Variants in DIXDC1 observed in about 807,000 individuals in gnomAD.
DIXDC1 encodes the protein DIX domain containing 1.
In DIXDC1, 64 loss-of-function variants were observed where a neutral mutation model predicts 103.1. The observed-to-expected ratio is 0.62, with a 90% CI of 0.51 to 0.76. The LOEUF (loss-of-function observed/expected upper bound fraction) is 0.76, where lower values mean the gene tolerates loss of function less well. Ranked by LOEUF, DIXDC1 falls within the 30% of genes least tolerant of loss-of-function variation. The pLI is 0.00. For synonymous variants in DIXDC1, 266 were observed against 298.5 expected (o/e 0.89, Z 1.12); for missense variants, 759 against 834.2 (o/e 0.91, Z 1.11).
rs782686831 is a variant in DIXDC1, at chr11:111,982,336, T to C, written c.770-3T>C. On this transcript the variant is annotated splice_polypyrimidine_tract_variant and splice_region_variant and intron_variant, in intron 6 of 19. Coordinates refer to ENST00000440460, the MANE Select transcript of DIXDC1 (RefSeq NM_001037954.4). ...AACTGTACTCCCTCTTTTCATTTTT[T>C]AGAAGGGACAGATTCTCCATTATCT... 12 of 1,610,836 alleles carry C rather than the reference T, an allele frequency of 7.4e-6. No individual in the cohort carries two copies. The highest frequency in any genetic ancestry group is 6.7e-5 in the African/African-American group (5 of 74,550).
At chr11:111,967,656 T>A (rs1555171708) in intron 2 of DIXDC1, among the ~76,000 whole-genome samples, 1 of 152,230 alleles carries the variant, frequency 6.6e-6, no homozygotes, top group Non-Finnish European at 1.5e-5. Flanking sequence ...AGTCTTGAAC[T>A]CCTGGGCTCA....
intron 5 of DIXDC1, among the ~76,000 whole-genome samples, chr11:111,979,104 T>A (rs587744619): frequency 6.6e-6 from 1 of 152,332 alleles, no homozygotes; most frequent in East Asian, 1.9e-4. Flanking sequence ...TTTCTTTAAT[T>A]TGATATTTCA....
intron 17 of DIXDC1, chr11:111,996,460 A>G (rs1444219726): frequency 9.7e-6 from 2 of 205,818 alleles, no homozygotes; most frequent in Non-Finnish European, 2.0e-5. Context: ...AAACACATAC[A>G]TACGTAAATT....
chr11:111,948,990 G>C (rs587765143), intron 1 of DIXDC1, among the ~76,000 whole-genome samples: 28 of 151,690 alleles, frequency 1.8e-4, no homozygotes, highest in Non-Finnish European at 3.7e-4. Flanking sequence ...TCAAACCCTT[G>C]TTCTGTCACT....
intron 1 of DIXDC1, chr11:111,929,761 TA>T: frequency 8.4e-7 from 1 of 1,184,050 alleles, no homozygotes; most frequent in Non-Finnish European, 1.1e-6. Context: ...AGTTGAGCTT[TA>T]AATTTTTTTT....
Position 111,937,519 on chromosome 11 carries a change from G to A in DIXDC1, c.20G>A (p.Arg7Gln). ...GGAACAATGCTAGCCTGCCTGACCC[G>A]AGGGAACTTACTGGACGTCCTGCAG... Reference protein sequence around the residue: MLACLTRGNLLDVLQEG... With the variant: MLACLTQGNLLDVLQEG... The change falls in exon 1 of 20, where the codon CGA (arginine) becomes CAA (glutamine). Residue 7 changes from arginine to glutamine, a missense_variant. Coordinates refer to ENST00000440460, the MANE Select transcript of DIXDC1 (RefSeq NM_001037954.4). 2.5e-6 allele frequency: 4 copies of A among 1,596,142 alleles called. No individual in the cohort carries two copies. The highest frequency in any genetic ancestry group is 3.4e-6 in the Non-Finnish European group (4 of 1,171,708).
At position 112,016,748 on chromosome 11, in the gene DIXDC1, AT is replaced by A; in HGVS notation, c.1817del (p.Phe606SerfsTer20). ...TVSSTCTKVLYFTDRSLTPFM... is the reference protein window; with the variant it reads ...TVSSTCTKVLXFTDRSLTPFM... ...AGCAGCACCTGTACTAAAGTGCTCT[AT>A]TTCACTGACCGGTCACTTACGCCCT... On this transcript the variant is annotated frameshift_variant, in exon 18 of 20. Coordinates refer to ENST00000440460, the MANE Select transcript of DIXDC1 (RefSeq NM_001037954.4). LOFTEE classifies it high-confidence loss of function. 6.2e-7 allele frequency: 1 copy of A among 1,609,872 alleles called. No homozygotes were observed. The highest frequency in any genetic ancestry group is 8.5e-7 in the Non-Finnish European group (1 of 1,177,756).
At chr11:111,936,649 T>G (rs1555168115), upstream of DIXDC1, among the ~76,000 whole-genome samples, 1 of 152,216 alleles carries the variant, frequency 6.6e-6, no homozygotes, top group East Asian at 1.9e-4. Flanking sequence ...CTTTTTATCC[T>G]CTTTTCCCCC....
At chr11:111,968,363 T>G in intron 2 of DIXDC1, 150 bp from the exon 3 acceptor site, 5 of 821,474 alleles carry the variant, frequency 6.1e-6, no homozygotes, top group Non-Finnish European at 9.0e-6. Context: ...ATTTCCCATC[T>G]AAATGACAAA....
intron 17 of DIXDC1, among the ~76,000 whole-genome samples, chr11:112,003,428 C>A (rs1861129466): frequency 6.6e-6 from 1 of 151,926 alleles, no homozygotes; most frequent in Non-Finnish European, 1.5e-5. Context: ...GCCTGGGAGA[C>A]AGAGTGAGAC....
chr11:111,989,158 T>A, intron 10 of DIXDC1, 103 bp downstream of exon 10: 16 of 871,860 alleles, frequency 1.8e-5, no homozygotes, highest in Non-Finnish European at 2.2e-5. Context: ...CTTTAATAGC[T>A]CTGTGCTATT....
chr11:111,969,933 C>T (rs1448863015), intron 3 of DIXDC1, among the ~76,000 whole-genome samples: 1 of 152,192 alleles, frequency 6.6e-6, no homozygotes, highest in African/African-American at 2.4e-5. Flanking sequence ...AACTATCTCT[C>T]TTCACTGATG....
intron 16 of DIXDC1, among the ~76,000 whole-genome samples, chr11:111,995,849 T>A (rs1025823954): frequency 3.9e-5 from 6 of 152,186 alleles, no homozygotes. Context: ...CCCTCCCACC[T>A]ACCCCTGATT....
At chr11:111,930,919 T>C (rs1479154215) in intron 2 of DIXDC1, among the ~76,000 whole-genome samples, 1 of 144,236 alleles carries the variant, frequency 6.9e-6, no homozygotes, top group Non-Finnish European at 1.5e-5. Flanking sequence ...AGTGGCACCA[T>C]CTTGGCTCAC....
At chr11:112,004,735 A>G (rs782538715) in intron 17 of DIXDC1, among the ~76,000 whole-genome samples, 5 of 152,176 alleles carry the variant, frequency 3.3e-5, no homozygotes, top group African/African-American at 4.8e-5. Flanking sequence ...ACATTGAGGA[A>G]CGACCCTCCA....
Position 111,944,774 on chromosome 11 carries a change from G to C in DIXDC1, c.60+7215G>C, listed in dbSNP as rs117437978. Reference sequence around the variant, plus strand: ...ATCAAGCCAAAATCCTTCTCAGACAGTTTTAACTCTTGTTATGTCTACTGA... The same window carrying C: ...ATCAAGCCAAAATCCTTCTCAGACACTTTTAACTCTTGTTATGTCTACTGA... On this transcript the variant is annotated intron_variant, in intron 1 of 19. Coordinates refer to ENST00000440460, the MANE Select transcript of DIXDC1 (RefSeq NM_001037954.4). Among the ~76,000 whole-genome samples the C allele has an allele frequency of 6.8e-3, 1,043 of 152,286 alleles. 5 individuals are homozygous for C. The highest frequency in any genetic ancestry group is 0.051 in the Middle Eastern group (15 of 294).
At chr11:112,001,191 G>A (rs587710333) in intron 17 of DIXDC1, among the ~76,000 whole-genome samples, 2 of 152,298 alleles carry the variant, frequency 1.3e-5, no homozygotes, top group South Asian at 2.1e-4. Flanking sequence ...GAAGATGCCA[G>A]ACACAAAAGG....
intron 11 of DIXDC1, 91 bp from the exon 12 acceptor site, chr11:111,992,860 C>T (rs1555174695): frequency 6.1e-6 from 8 of 1,307,502 alleles, no homozygotes; most frequent in Non-Finnish European, 8.6e-6. Flanking sequence ...CATACTGTAA[C>T]TGCCAACATT....
intron 17 of DIXDC1, among the ~76,000 whole-genome samples, chr11:112,013,104 G>C (rs185221173): frequency 5.7e-4 from 87 of 152,274 alleles, no homozygotes; most frequent in African/African-American, 2.1e-3. Context: ...AGGTTTTGGT[G>C]AGGGCTCCTT....
Sources: allele counts gnomAD v4.1 joint callset (sites outside exome capture counted in the v4.1 genomes callset), GRCh38; gene constraint gnomAD v4.1.1; transcripts MANE v1.5; gene names NCBI Gene and HGNC (gene_info 2026-07-23, HGNC 2026-07-21).